Variants in CEP112 observed in about 807,000 individuals in gnomAD.
CEP112 encodes centrosomal protein of 112 kDa.
Under a neutral mutation model 153.0 loss-of-function variants are expected in CEP112, and 127 were observed. The observed-to-expected ratio is 0.83, with a 90% CI of 0.72 to 0.96. The LOEUF (loss-of-function observed/expected upper bound fraction) is 0.96. Among genes scored for constraint, CEP112 ranks in the 40% least tolerant of loss-of-function variants. CEP112 has a pLI of 0.00. For synonymous variants in CEP112, 358 were observed against 374.4 expected (o/e 0.96, Z 0.51); for missense variants, 1,089 against 1,101.2 (o/e 0.99, Z 0.16).
Position 65,866,415 on chromosome 17 carries a change from C to T in CEP112, c.2164-14381G>A, listed in dbSNP as rs143067565. 4.8e-3 allele frequency among the ~76,000 whole-genome samples: 734 copies of T among 152,356 alleles called. 2 individuals carry two copies. Among genetic ancestry groups the T allele is most frequent in the African/African-American group, 0.016 (685 of 41,590 alleles). ...GCCTGCGCCCCTTGGCACAAACAGC[C>T]TGGGCAACATGAATGGCAGCAGGAG... is the stretch of plus-strand genomic sequence containing the variant. On this transcript the variant is annotated intron_variant, in intron 20 of 26. Coordinates refer to ENST00000535342, the MANE Select transcript of CEP112 (RefSeq NM_001199165.4).
At chr17:65,930,773 TA>T (rs2061090443) in intron 18 of CEP112, among the ~76,000 whole-genome samples, 1 of 152,218 alleles carries the variant, frequency 6.6e-6, no homozygotes, top group Admixed American at 6.5e-5. Flanking sequence ...CAGACTCCAG[TA>T]CCCTTGATAT....
chr17:66,075,893 A>G (rs955409015), intron 8 of CEP112, among the ~76,000 whole-genome samples: 27 of 152,222 alleles, frequency 1.8e-4, no homozygotes, highest in African/African-American at 6.3e-4. Context: ...CCCAAACTGC[A>G]GAAGTGGGAA....
At chr17:66,019,600 A>G (rs2064917454) in intron 16 of CEP112, among the ~76,000 whole-genome samples, 1 of 152,260 alleles carries the variant, frequency 6.6e-6, no homozygotes, top group Non-Finnish European at 1.5e-5. Context: ...CATATGCAAT[A>G]TGAACAATGA....
At chr17:65,781,172 A>G (rs896934824) in intron 21 of CEP112, among the ~76,000 whole-genome samples, 5 of 152,172 alleles carry the variant, frequency 3.3e-5, no homozygotes, top group Non-Finnish European at 7.4e-5. Flanking sequence ...CCTAGACTCA[A>G]GGATACAAAA....
chr17:66,005,648 T>C (rs757991986), intron 17 of CEP112, 42 bp downstream of exon 17: 2 of 1,586,498 alleles, frequency 1.3e-6, no homozygotes, highest in Non-Finnish European at 1.7e-6. Flanking sequence ...CACAGTTTAA[T>C]AAAGGGTAGT....
At chr17:65,888,075 G>A (rs1170053848) in intron 20 of CEP112, among the ~76,000 whole-genome samples, 1 of 151,930 alleles carries the variant, frequency 6.6e-6, no homozygotes, top group South Asian at 2.1e-4. Flanking sequence ...TTATCTTCCG[G>A]CAATATCACT....
At chr17:66,170,490 C>A (rs945568576) in intron 4 of CEP112, among the ~76,000 whole-genome samples, 8 of 152,120 alleles carry the variant, frequency 5.3e-5, no homozygotes, top group African/African-American at 1.7e-4. Flanking sequence ...ATAGGCCAGG[C>A]ATGGTGGCTC....
intron 17 of CEP112, among the ~76,000 whole-genome samples, chr17:65,961,807 C>T (rs1181759087): frequency 6.6e-6 from 1 of 152,142 alleles, no homozygotes; most frequent in Non-Finnish European, 1.5e-5. Context: ...CTGATGAAGG[C>T]AAAACTGCTT....
At chr17:66,121,481 C>T (rs1004104873) in intron 6 of CEP112, among the ~76,000 whole-genome samples, 1 of 152,118 alleles carries the variant, frequency 6.6e-6, no homozygotes, top group Non-Finnish European at 1.5e-5. Flanking sequence ...ACCCGCATTA[C>T]ACATATGTTG....
At chr17:66,007,898 T>C (rs2064340856) in intron 16 of CEP112, among the ~76,000 whole-genome samples, 1 of 152,196 alleles carries the variant, frequency 6.6e-6, no homozygotes. Context: ...CATACATTTT[T>C]TTCTTAGATT....
At chr17:66,037,534 C>T (rs1251032267) in intron 12 of CEP112, among the ~76,000 whole-genome samples, 1 of 152,142 alleles carries the variant, frequency 6.6e-6, no homozygotes, top group Non-Finnish European at 1.5e-5. Context: ...TATGCATAGT[C>T]TTTCCCCCAT....
At chr17:65,700,073 C>T (rs1043162184) in intron 23 of CEP112, among the ~76,000 whole-genome samples, 1 of 151,664 alleles carries the variant, frequency 6.6e-6, no homozygotes, top group African/African-American at 2.4e-5. Context: ...CCTCCTCCTT[C>T]CCACATGCTT....
chr17:65,775,170 G>A (rs1038280826), intron 21 of CEP112, among the ~76,000 whole-genome samples: 1 of 152,008 alleles, frequency 6.6e-6, no homozygotes, highest in Admixed American at 6.5e-5. Context: ...GCCGTAGCAA[G>A]CTCACTTAGG....
At chr17:66,179,005 T>G (rs1279583207) in intron 2 of CEP112, among the ~76,000 whole-genome samples, 1 of 152,184 alleles carries the variant, frequency 6.6e-6, no homozygotes, top group Non-Finnish European at 1.5e-5. Context: ...TTCCTGTAAA[T>G]GTACGGATTT....
At chr17:66,070,402 G>C (rs563092030) in intron 8 of CEP112, among the ~76,000 whole-genome samples, 1 of 148,368 alleles carries the variant, frequency 6.7e-6, no homozygotes, top group East Asian at 2.0e-4. Flanking sequence ...TTTTTTCTTT[G>C]ATCTACTTGC....
At chr17:65,932,413 A>C (rs1200096296) in intron 18 of CEP112, among the ~76,000 whole-genome samples, 1 of 152,222 alleles carries the variant, frequency 6.6e-6, no homozygotes, top group South Asian at 2.1e-4. Context: ...TCCAACAATG[A>C]ACCCTAAAAA....
At chr17:65,786,093 C>T (rs1250553931) in intron 21 of CEP112, among the ~76,000 whole-genome samples, 1 of 151,956 alleles carries the variant, frequency 6.6e-6, no homozygotes, top group African/African-American at 2.4e-5. Context: ...TTAATTTTTT[C>T]ATTGATGTTT....
chr17:66,031,397 A>G (rs1281750000), intron 12 of CEP112, among the ~76,000 whole-genome samples: 2 of 152,016 alleles, frequency 1.3e-5, no homozygotes, highest in Non-Finnish European at 2.9e-5. Flanking sequence ...AGGATATTCT[A>G]TTATTGGCAA....
At chr17:66,128,617 A>G (rs1312652311) in intron 6 of CEP112, among the ~76,000 whole-genome samples, 1 of 152,190 alleles carries the variant, frequency 6.6e-6, no homozygotes, top group African/African-American at 2.4e-5. Context: ...CAATGTACCA[A>G]AGATGTAATG....
Sources: gnomAD v4.1 joint callset for allele counts (sites outside exome capture counted in the v4.1 genomes callset) on GRCh38, gnomAD v4.1.1 for gene constraint, MANE v1.5 for transcripts, NCBI Gene and HGNC (gene_info 2026-07-23, HGNC 2026-07-21) for gene names.